USP43: variants seen among roughly 807,000 people sequenced by gnomAD.
USP43 encodes the protein ubiquitin specific peptidase 43.
Under a neutral mutation model 90.7 loss-of-function variants are expected in USP43, and 33 were observed. The observed-to-expected ratio is 0.36, with a 90% CI of 0.28 to 0.49. The LOEUF is 0.49. Among genes scored for constraint, USP43 ranks in the 20% least tolerant of loss-of-function variants. USP43 has a pLI of 0.98. For synonymous variants in USP43, 598 were observed against 615.8 expected (o/e 0.97, Z 0.43); for missense variants, 1,274 against 1,476.4 (o/e 0.86, Z 2.25).
intron 14 of USP43, among the ~76,000 whole-genome samples, chr17:9,724,935 G>T (rs907813360): frequency 7.6e-6 from 1 of 131,734 alleles, no homozygotes; most frequent in South Asian, 2.2e-4. Flanking sequence ...GTGGCGGGGG[G>T]CAGGGGGGCA....
At chr17:9,666,619 T>C (rs1402021685) in intron 2 of USP43, 29 bp from the exon 3 acceptor site, 4 of 1,579,578 alleles carry the variant, frequency 2.5e-6, no homozygotes, top group South Asian at 1.1e-5. Context: ...GTGTATCTAA[T>C]CTGGCTTCCT....
chr17:9,652,836 A>G (rs1041125897), intron 1 of USP43, among the ~76,000 whole-genome samples: 2 of 152,196 alleles, frequency 1.3e-5, no homozygotes, highest in Non-Finnish European at 2.9e-5. Context: ...TCATGATCCC[A>G]TTATTCTATG....
intron 1 of USP43, among the ~76,000 whole-genome samples, chr17:9,653,154 G>A (rs890151019): frequency 6.6e-6 from 1 of 152,188 alleles, no homozygotes; most frequent in Non-Finnish European, 1.5e-5. Flanking sequence ...GCCCTATCTT[G>A]TCTTGCTTCT....
chr17:9,670,970 ACT>A (rs922271163), intron 3 of USP43, among the ~76,000 whole-genome samples: 5 of 151,610 alleles, frequency 3.3e-5, no homozygotes, highest in African/African-American at 9.7e-5. Flanking sequence ...GCTGTCCCTG[ACT>A]CTCTCCTGGC....
chr17:9,654,649 TAA>T (rs774004761), intron 1 of USP43, among the ~76,000 whole-genome samples: 58 of 128,950 alleles, frequency 4.5e-4, no homozygotes, highest in Non-Finnish European at 3.2e-4. Context: ...AACACTGTCT[TAA>T]AAAAAAAAAA....
At chr17:9,647,144 A>G (rs1911485591) in intron 1 of USP43, 1 of 151,786 alleles carries the variant, frequency 6.6e-6, no homozygotes, top group African/African-American at 2.4e-5. Flanking sequence ...GAAGCTCCCT[A>G]CAGACTAGTG....
At chr17:9,715,668 TG>T (rs1294277198) in intron 14 of USP43, among the ~76,000 whole-genome samples, 2 of 149,952 alleles carry the variant, frequency 1.3e-5, no homozygotes, top group African/African-American at 4.9e-5. Flanking sequence ...TGTATGTGCC[TG>T]TGTGTGTGTC....
intron 9 of USP43, among the ~76,000 whole-genome samples, chr17:9,696,737 T>C (rs979670492): frequency 6.6e-6 from 1 of 152,246 alleles, no homozygotes; most frequent in Non-Finnish European, 1.5e-5. Flanking sequence ...GGCCTCCCAG[T>C]GCCCACGGGA....
At chr17:9,687,751 A>G (rs941368915) in intron 8 of USP43, among the ~76,000 whole-genome samples, 10 of 152,148 alleles carry the variant, frequency 6.6e-5, no homozygotes, top group Admixed American at 5.9e-4. Flanking sequence ...CTCAGCAAAA[A>G]CCATATGTTT....
chr17:9,699,787 G>A (rs1322647308), intron 9 of USP43, among the ~76,000 whole-genome samples: 2 of 152,158 alleles, frequency 1.3e-5, no homozygotes, highest in African/African-American at 4.8e-5. Context: ...GCAGTTGGGG[G>A]AAAGGTAGCA....
At chr17:9,666,855 AC>A in intron 3 of USP43, 104 bp downstream of exon 3, 1 of 852,244 alleles carries the variant, frequency 1.2e-6, no homozygotes, top group Non-Finnish European at 1.9e-6. Context: ...TTTCAAAACA[AC>A]AAAACCACAA....
intron 2 of USP43, among the ~76,000 whole-genome samples, chr17:9,658,627 G>T (rs992731092): frequency 6.6e-6 from 1 of 152,194 alleles, no homozygotes; most frequent in African/African-American, 2.4e-5. Flanking sequence ...TGGGTTTTGA[G>T]ATTAGGGGTG....
chr17:9,660,053 A>C (rs555409418), intron 2 of USP43, among the ~76,000 whole-genome samples: 15 of 152,346 alleles, frequency 9.8e-5, no homozygotes, highest in Admixed American at 9.8e-4. Context: ...AACCCAGTTG[A>C]GAGCTACTGC....
intron 14 of USP43, among the ~76,000 whole-genome samples, chr17:9,715,951 GTGTA>G (rs1229412001): frequency 1.3e-5 from 2 of 151,442 alleles, no homozygotes; most frequent in East Asian, 3.9e-4. Flanking sequence ...GTGTGTCTAT[GTGTA>G]TGTATCTGTG....
At chr17:9,665,539 G>A (rs749565679) in intron 2 of USP43, among the ~76,000 whole-genome samples, 3 of 152,194 alleles carry the variant, frequency 2.0e-5, no homozygotes, top group Admixed American at 1.3e-4. Flanking sequence ...TGGGGGAACC[G>A]CCCCCATGAT....
rs760608345 is a variant in USP43, at chr17:9,686,779, G to A, written c.1242-19G>A. 9 of 1,611,544 alleles carry A rather than the reference G, an allele frequency of 5.6e-6. No homozygotes were observed. Among genetic ancestry groups the A allele is most frequent in the East Asian group, 4.5e-5 (2 of 44,860 alleles). On this transcript the variant is annotated intron_variant, in intron 7 of 14. Coordinates refer to ENST00000285199, the MANE Select transcript of USP43 (RefSeq NM_153210.5). The surrounding 1 kb of genome is among the most constrained non-coding windows in gnomAD (Gnocchi z 5.5). ...GGTTTTTCCTTTGCTGGGATAACCCGATTTCCTTGGATTTTCAGGTTTGGG... is the reference window on the plus strand; with the variant it reads ...GGTTTTTCCTTTGCTGGGATAACCCAATTTCCTTGGATTTTCAGGTTTGGG...
At chr17:9,670,969 G>T (rs1268892272) in intron 3 of USP43, among the ~76,000 whole-genome samples, 1 of 152,134 alleles carries the variant, frequency 6.6e-6, no homozygotes, top group East Asian at 1.9e-4. Flanking sequence ...TGCTGTCCCT[G>T]ACTCTCTCCT....
At position 9,645,801 on chromosome 17, in the gene USP43, G is replaced by C; in HGVS notation, c.169G>C (p.Gly57Arg). ...RPQPGHCDGD[G>R]EGGFACAPGP... ...CCAGCCGGGACACTGTGATGGCGAC[G>C]GTGAGGGGGGCTTCGCCTGCGCCCC... The change falls in exon 1 of 15, where the codon GGT (glycine) becomes CGT (arginine). Residue 57 changes from glycine (G) to arginine (R), a missense_variant. Around this residue, in one of 6 missense-constraint regions of USP43, gnomAD observed 112 missense variants for 106.6 expected, o/e 1.05. Coordinates refer to ENST00000285199, the MANE Select transcript of USP43 (RefSeq NM_153210.5). The surrounding 1 kb of genome is among the most constrained non-coding windows in gnomAD (Gnocchi z 6.8). The C allele has an allele frequency of 7.2e-7, 1 of 1,387,688 alleles. No homozygotes were observed. The highest frequency in any genetic ancestry group is 9.3e-7 in the Non-Finnish European group (1 of 1,078,614). 86.0% of individuals were successfully genotyped at this position (1,387,688 alleles called of 1,614,324 possible).
chr17:9,700,399 G>A (rs1915502839), intron 10 of USP43, 150 bp downstream of exon 10: 1 of 677,814 alleles, frequency 1.5e-6, no homozygotes, highest in Non-Finnish European at 2.5e-6. Flanking sequence ...ATGCCTGAGT[G>A]AGAATTTTCT....
Sources: gnomAD v4.1 joint callset for allele counts (sites outside exome capture counted in the v4.1 genomes callset) on GRCh38, gnomAD v4.1.1 for gene constraint, gnomAD v4.1.1 regional missense constraint, Gnocchi (gnomAD v3.1) non-coding constraint, MANE v1.5 for transcripts, NCBI Gene and HGNC (gene_info 2026-07-23, HGNC 2026-07-21) for gene names.